BTN2A2: variants seen among roughly 807,000 people sequenced by gnomAD.
BTN2A2 encodes the protein butyrophilin subfamily 2 member A2.
BTN2A2 carries 29 observed loss-of-function variants against 34.7 expected under a neutral mutation model. The observed-to-expected ratio is 0.84, with a 90% CI of 0.62 to 1.14. BTN2A2 has a LOEUF of 1.14. Among genes scored for constraint, BTN2A2 ranks in the 50% most tolerant of loss-of-function variants. The pLI is 0.00. For missense variants in BTN2A2, 612 were observed against 651.5 expected, an observed-to-expected ratio of 0.94 and a Z score of 0.66; for synonymous variants, 240 against 253.1, an observed-to-expected ratio of 0.95 and a Z score of 0.49.
At chr6:26,386,301 G>C (rs1482512269) in intron 3 of BTN2A2, among the ~76,000 whole-genome samples, 1 of 152,170 alleles carries the variant, frequency 6.6e-6, no homozygotes, top group Non-Finnish European at 1.5e-5. Context: ...GTGACACTAA[G>C]TGATTACCTC....
chr6:26,384,004 G>C lies in BTN2A2; in HGVS notation c.94+89G>C. The C allele has an allele frequency of 1.4e-6, 2 of 1,427,178 alleles. No individual in the cohort carries two copies. Among genetic ancestry groups the C allele is most frequent in the Non-Finnish European group, 2.0e-6 (2 of 1,014,508 alleles). 88.4% of individuals were successfully genotyped at this position (1,427,178 alleles called of 1,614,324 possible). A position where few individuals can be genotyped will look rare whatever the true frequency, so the allele number is the denominator to read the frequency against. ...AAAGGGAAAGAAGGAAGAACTGTGGGGTTGTTGACTTATCCTTTCATTCTG... is the reference window on the plus strand; with the variant it reads ...AAAGGGAAAGAAGGAAGAACTGTGGCGTTGTTGACTTATCCTTTCATTCTG... On this transcript the variant is annotated intron_variant, in intron 2 of 7. Coordinates refer to ENST00000356709, the MANE Select transcript of BTN2A2 (RefSeq NM_006995.5). The surrounding 1 kb of genome is among the most constrained non-coding windows in gnomAD (Gnocchi z 4.0).
intron 7 of BTN2A2, chr6:26,392,050 A>G (rs1329417980): frequency 3.0e-6 from 2 of 667,806 alleles, no homozygotes; most frequent in South Asian, 2.0e-5. Flanking sequence ...CAGAGATCAT[A>G]TATCTTGAAT....
rs764083633 is a variant in BTN2A2, at chr6:26,390,105, C to A, written c.825C>A (p.Phe275Leu). The A allele has an allele frequency of 1.5e-5, 24 of 1,614,030 alleles. No homozygotes were observed. The East Asian group carries it at 5.1e-4, about 34-fold the overall frequency. The change falls in exon 5 of 8, where the codon TTC (phenylalanine) becomes TTA (leucine). Residue 275 changes from phenylalanine (F) to leucine (L), a missense_variant. By Grantham distance (22) the Phe-to-Leu change is conservative. Transcript: ENST00000356709. Reference protein sequence around the residue: ...MVSMTVILAVFIIFMAVSICC... With the variant: ...MVSMTVILAVLIIFMAVSICC... ...CCATGACTGTCATCCTGGCTGTTTT[C>A]ATCATCTTCATGGCTGTCAGCATCT...
chr6:26,390,171 A>G lies in BTN2A2; in HGVS notation c.891A>G (p.Ser297=). The change falls in exon 5 of 8, where the codon TCA becomes TCG. Residue 297 remains serine, a synonymous_variant. Transcript: ENST00000356709. The stretch of plus-strand genomic sequence containing the variant: ...TTCAAAGGGAAAAAAAGATTCTGTC[A>G]GGGGAAAAGAAAGTTGAACAAGAGG... The part of the protein sequence containing the change: ...KKLQREKKIL[S]GEKKVEQEEK... 2 of 1,614,212 alleles carry G rather than the reference A, an allele frequency of 1.2e-6. No homozygotes were observed. Among genetic ancestry groups the G allele is most frequent in the Non-Finnish European group, 1.7e-6 (2 of 1,180,022 alleles).
In BTN2A2 at chr6:26,383,732, GC is replaced by G. The variant is rs1761005723; in HGVS notation, c.-30-57del. 1 of 1,375,888 alleles carries G rather than the reference GC, an allele frequency of 7.3e-7. No homozygotes were observed. The highest frequency in any genetic ancestry group is 1.0e-6 in the Non-Finnish European group (1 of 967,776). The allele number at this position is 1,375,888 out of a possible 1,614,324, so 85.2% of individuals were successfully genotyped here. A position where few individuals can be genotyped will look rare whatever the true frequency, so the allele number is the denominator to read the frequency against. On this transcript the variant is annotated intron_variant, in intron 1 of 7. Coordinates refer to ENST00000356709, the MANE Select transcript of BTN2A2 (RefSeq NM_006995.5). The surrounding 1 kb of genome is among the most constrained non-coding windows in gnomAD (Gnocchi z 4.4). The stretch of plus-strand genomic sequence containing the variant: ...CTACTTGAGTGACAGGAGAGGTTGG[GC>G]CCGACCAGCACTGAGGTGCCAAGAC...
chr6:26,393,834 G>T lies in BTN2A2; in HGVS notation c.*867G>T. ...CTTTAAAGAGCTTTTGTTTATTTGGGTTAATATTTATGACATTTGACATTG... is the reference window on the plus strand; with the variant it reads ...CTTTAAAGAGCTTTTGTTTATTTGGTTTAATATTTATGACATTTGACATTG... On this transcript the variant is annotated 3_prime_UTR_variant, in exon 8 of 8. Transcript: ENST00000356709. 1.1e-6 allele frequency: 1 copy of T among 899,586 alleles called. No homozygotes were observed. The allele number at this position is 899,586 out of a possible 1,614,324, so 55.7% of individuals were successfully genotyped here.
rs1218655415 is a variant in BTN2A2 at position 26,394,593 on chromosome 6, G to A, written c.*1626G>A. ...CTGGGTTCTCAGGCCTTTGGCTTTG[G>A]ACTGAGAGTTACACAATCAGCTTCC... On this transcript the variant is annotated 3_prime_UTR_variant, in exon 8 of 8. Transcript: ENST00000356709. 9.6e-6 allele frequency: 4 copies of A among 418,424 alleles called. No homozygotes were observed. The highest frequency in any genetic ancestry group is 1.7e-5 in the Non-Finnish European group (4 of 235,040). The allele number at this position is 418,424 out of a possible 1,614,324, so 25.9% of individuals were successfully genotyped here. A position where few individuals can be genotyped will look rare whatever the true frequency, so the allele number is the denominator to read the frequency against.
At position 26,392,895 on chromosome 6, in the gene BTN2A2, A is replaced by C. The variant is rs1274117348; in HGVS notation, c.1500A>C (p.Thr500=). The C allele has an allele frequency of 6.2e-7, 1 of 1,614,198 alleles. No individual in the cohort carries two copies. ...DSPIFICPAL[T]GASGVMVPEE... is the part of the protein sequence containing the mutation. ...CCATCTTCATCTGCCCTGCACTCAC[A>C]GGAGCCAGTGGGGTCATGGTGCCTG... The change falls in exon 8 of 8, where the codon ACA becomes ACC. Residue 500 remains threonine, a synonymous_variant. Coordinates refer to ENST00000356709, the MANE Select transcript of BTN2A2 (RefSeq NM_006995.5).
Position 26,392,998 on chromosome 6 carries a change from A to G in BTN2A2, c.*31A>G. Reference sequence around the variant, plus strand: ...ATTCCTTGGACTCACAGCCATGCAGATAAGCCCTGGCCATCTCAGCAGCCA... The same window carrying G: ...ATTCCTTGGACTCACAGCCATGCAGGTAAGCCCTGGCCATCTCAGCAGCCA... On this transcript the variant is annotated 3_prime_UTR_variant, in exon 8 of 8. Transcript: ENST00000356709. 6.2e-7 allele frequency: 1 copy of G among 1,613,974 alleles called. No homozygotes were observed. Among genetic ancestry groups the G allele is most frequent in the Non-Finnish European group, 8.5e-7 (1 of 1,179,942 alleles).
In BTN2A2 at chr6:26,383,905, A is replaced by T. The variant is rs1761019330; in HGVS notation, c.84A>T (p.Ala28=). Residue 28 remains alanine, a synonymous_variant, in exon 2 of 8, where the codon GCA becomes GCT. Transcript: ENST00000356709. The surrounding 1 kb of genome is among the most constrained non-coding windows in gnomAD (Gnocchi z 4.4). ...TCCTCCTCCTTCTCAGCCTGTGTGC[A>T]CTGGTCTCAGGTAGGGATGTGTGTC... The part of the protein sequence containing the change: ...LLLLLLLSLC[A]LVSAQFTVVG... 6.2e-7 allele frequency: 1 copy of T among 1,613,806 alleles called. No individual in the cohort carries two copies. The highest frequency in any genetic ancestry group is 1.1e-5 in the South Asian group (1 of 91,082).
chr6:26,392,130 T>C (rs1213137391), intron 7 of BTN2A2: 7 of 1,260,536 alleles, frequency 5.6e-6, no homozygotes, highest in Non-Finnish European at 6.6e-6. Context: ...TTTCCTAAAC[T>C]CTCTGGATTT....
At position 26,394,042 on chromosome 6, in the gene BTN2A2, T is replaced by A. The variant is rs559345732; in HGVS notation, c.*1075T>A. 2 of 384,510 alleles carry A rather than the reference T, an allele frequency of 5.2e-6. No individual in the cohort carries two copies. The highest frequency in any genetic ancestry group is 1.9e-4 in the South Asian group (2 of 10,466). 23.8% of individuals were successfully genotyped at this position (384,510 alleles called of 1,614,324 possible). Reference sequence around the variant, plus strand: ...CATGTCTGGCTTAATAAGAGATATTTGTATTATCATATCTGCCTTTGTATT... The same window carrying A: ...CATGTCTGGCTTAATAAGAGATATTAGTATTATCATATCTGCCTTTGTATT... On this transcript the variant is annotated 3_prime_UTR_variant, in exon 8 of 8. Coordinates refer to ENST00000356709, the MANE Select transcript of BTN2A2 (RefSeq NM_006995.5).
chr6:26,394,366 A>C lies in BTN2A2; in HGVS notation c.*1399A>C, dbSNP rs1160087643. On this transcript the variant is annotated 3_prime_UTR_variant, in exon 8 of 8. Coordinates refer to ENST00000356709, the MANE Select transcript of BTN2A2 (RefSeq NM_006995.5). ...AACATTATTTCTGGGTGTGTCTGTG[A>C]GTGTGTTTCCAGAAGAGATTGGCAA... The C allele has an allele frequency of 2.9e-6, 2 of 697,398 alleles. No individual in the cohort carries two copies. Among genetic ancestry groups the C allele is most frequent in the South Asian group, 3.0e-5 (2 of 66,920 alleles). 43.2% of individuals were successfully genotyped at this position (697,398 alleles called of 1,614,324 possible).
intron 7 of BTN2A2, 39 bp downstream of exon 7, chr6:26,390,868 C>T (rs1461433650): frequency 1.2e-6 from 2 of 1,613,332 alleles, no homozygotes; most frequent in South Asian, 2.2e-5. Context: ...TCAGCTTTCT[C>T]CCCACTAGCC....
At chr6:26,389,726 G>A (rs577229363) in intron 4 of BTN2A2, among the ~76,000 whole-genome samples, 1 of 152,334 alleles carries the variant, frequency 6.6e-6, no homozygotes, top group Admixed American at 6.5e-5. Flanking sequence ...GAGGCAGGGT[G>A]ATGGCTGTGC....
intron 7 of BTN2A2, chr6:26,391,249 G>C: frequency 4.2e-6 from 1 of 240,606 alleles, no homozygotes; most frequent in Non-Finnish European, 8.2e-6. Flanking sequence ...AAGGCCATAA[G>C]GGTCCCCAGT....
rs760200685 is a variant in BTN2A2 at position 26,392,582 on chromosome 6, T to G, written c.1187T>G (p.Val396Gly). 2.4e-5 allele frequency: 38 copies of G among 1,613,910 alleles called. No homozygotes were observed. The highest frequency in any genetic ancestry group is 3.1e-5 in the Non-Finnish European group (36 of 1,179,984). Residue 396 changes from valine (V) to glycine (G), a missense_variant, in exon 8 of 8, where the codon GTG becomes GGG. By Grantham distance (109) the Val-to-Gly change is moderately radical. Transcript: ENST00000356709. ...GTGGAAAACGTGATGGTGTGGACTGTGGGGGTCTGCAGACACAGTGTTGAG... is the reference window on the plus strand; with the variant it reads ...GTGGAAAACGTGATGGTGTGGACTGGGGGGGTCTGCAGACACAGTGTTGAG... Reference protein sequence around the residue: ...VEVENVMVWTVGVCRHSVERK... With the variant: ...VEVENVMVWTGGVCRHSVERK...
At chr6:26,391,423 C>T (rs1449672784) in intron 7 of BTN2A2, 1 of 155,676 alleles carries the variant, frequency 6.4e-6, no homozygotes, top group African/African-American at 2.4e-5. Flanking sequence ...AGTGAGTTCT[C>T]ATCTTGTGAT....
chr6:26,385,055 C>T lies in BTN2A2; in HGVS notation c.135C>T (p.Ala45=), dbSNP rs1274145775. 11 of 1,613,772 alleles carry T rather than the reference C, an allele frequency of 6.8e-6. No homozygotes were observed. Among genetic ancestry groups the T allele is most frequent in the Non-Finnish European group, 9.3e-6 (11 of 1,179,876 alleles). ...TGGGGCCAGCTAATCCCATCCTGGC[C>T]ATGGTGGGAGAAAACACTACATTAC... ...TVVGPANPIL[A]MVGENTTLRC... The change falls in exon 3 of 8, where the codon GCC becomes GCT. Residue 45 remains alanine (A), a synonymous_variant. Coordinates refer to ENST00000356709, the MANE Select transcript of BTN2A2 (RefSeq NM_006995.5).
Sources: gnomAD v4.1 joint callset for allele counts (sites outside exome capture counted in the v4.1 genomes callset) on GRCh38, gnomAD v4.1.1 for gene constraint, Gnocchi (gnomAD v3.1) non-coding constraint, MANE v1.5 for transcripts, NCBI Gene and HGNC (gene_info 2026-07-23, HGNC 2026-07-21) for gene names.